CD96: variants seen among roughly 807,000 people sequenced by gnomAD.
CD96 encodes T-cell surface protein tactile.
CD96 carries 70 observed loss-of-function variants against 71.3 expected under a neutral mutation model. That is an observed-to-expected ratio of 0.98 (90% CI 0.81 to 1.20). CD96 has a LOEUF of 1.20. Among genes scored for constraint, CD96 ranks in the 50% most tolerant of loss-of-function variants. The pLI is 0.00. For synonymous variants in CD96, 248 were observed against 233.0 expected (o/e 1.06, Z -0.59); for missense variants, 742 against 677.5 (o/e 1.10, Z -1.06).
chr3:111,603,414 C>T (rs1937543122), intron 7 of CD96, among the ~76,000 whole-genome samples: 1 of 151,534 alleles, frequency 6.6e-6, no homozygotes, highest in Non-Finnish European at 1.5e-5. Flanking sequence ...CACTACACTC[C>T]AGCCTGGGCA....
intron 2 of CD96, among the ~76,000 whole-genome samples, chr3:111,550,909 T>A (rs1029668193): frequency 1.6e-4 from 25 of 152,154 alleles, no homozygotes; most frequent in Non-Finnish European, 5.9e-5. Context: ...GCTGCTTGAG[T>A]CTGGGCATTA....
At chr3:111,553,158 G>GATA (rs138256843) in intron 2 of CD96, among the ~76,000 whole-genome samples, 118,147 of 149,924 alleles carry the variant, frequency 0.79, 46,714 homozygotes, top group East Asian at 0.96. Context: ...CCATCAGCCT[G>GATA]ATGTTATATT....
downstream of CD96, among the ~76,000 whole-genome samples, chr3:111,656,389 C>T (rs1464334065): frequency 6.6e-6 from 1 of 152,164 alleles, no homozygotes; most frequent in Non-Finnish European, 1.5e-5. Flanking sequence ...AAAACATGCA[C>T]ACTCATATAC....
At chr3:111,555,614 G>T (rs746085921) in intron 2 of CD96, among the ~76,000 whole-genome samples, 8 of 152,256 alleles carry the variant, frequency 5.3e-5, no homozygotes, top group South Asian at 4.1e-4. Context: ...TGTTTGTTTG[G>T]TTGGTTGGTT....
At chr3:111,655,102 C>T (rs1940197850), downstream of CD96, among the ~76,000 whole-genome samples, 1 of 152,170 alleles carries the variant, frequency 6.6e-6, no homozygotes, top group East Asian at 1.9e-4. Flanking sequence ...AGCCTAATTC[C>T]ACTCTTACAG....
At chr3:111,598,037 A>G in intron 5 of CD96, 83 bp from the exon 6 acceptor site, 2 of 741,598 alleles carry the variant, frequency 2.7e-6, no homozygotes, top group South Asian at 2.9e-5. Context: ...CTTTTTTGCC[A>G]ACTTATATGA....
intron 10 of CD96, among the ~76,000 whole-genome samples, chr3:111,632,185 C>A (rs763242880): frequency 7.2e-5 from 11 of 152,110 alleles, no homozygotes; most frequent in South Asian, 2.1e-4. Context: ...AAACAGACAA[C>A]CTACAGAATG....
intron 5 of CD96, among the ~76,000 whole-genome samples, chr3:111,597,747 C>T (rs1937323870): frequency 6.6e-6 from 1 of 152,330 alleles, no homozygotes; most frequent in East Asian, 1.9e-4. Context: ...GACTATTCTT[C>T]TCTGGCCTCT....
chr3:111,641,814 G>A (rs1939605333), intron 12 of CD96, among the ~76,000 whole-genome samples: 1 of 152,142 alleles, frequency 6.6e-6, no homozygotes, highest in Admixed American at 6.5e-5. Flanking sequence ...AGACCACAGT[G>A]AAATAAAACT....
At chr3:111,589,230 A>G (rs1936860705) in intron 5 of CD96, among the ~76,000 whole-genome samples, 1 of 152,096 alleles carries the variant, frequency 6.6e-6, no homozygotes, top group Non-Finnish European at 1.5e-5. Context: ...GATTACAGGC[A>G]TGAGCCACCA....
chr3:111,663,689 C>T (rs1940409185), intron 14 of CD96, among the ~76,000 whole-genome samples: 1 of 151,456 alleles, frequency 6.6e-6, no homozygotes, highest in Admixed American at 6.6e-5. Context: ...GCCAGAATGG[C>T]CATTATTAAA....
chr3:111,638,418 G>T (rs2107758390), intron 12 of CD96, among the ~76,000 whole-genome samples: 1 of 152,178 alleles, frequency 6.6e-6, no homozygotes, highest in South Asian at 2.1e-4. Context: ...GATTTTAATT[G>T]GAGGATAGGA....
At chr3:111,593,645 C>T in intron 5 of CD96, 1 of 1,605,460 alleles carries the variant, frequency 6.2e-7, no homozygotes, top group Non-Finnish European at 8.5e-7. Flanking sequence ...CAGGATGGCC[C>T]TTTCCACCTC....
At position 111,637,794 on chromosome 3, in the gene CD96, T is replaced by G. The variant is rs1443232443; in HGVS notation, c.1388-285T>G. On this transcript the variant is annotated intron_variant, in intron 11 of 13. Coordinates refer to ENST00000352690, the MANE Select transcript of CD96 (RefSeq NM_005816.5). ...TTTTGTTGTTTGGAAGTATGGAGCTTCTTTTTTTTTTTTTTCAACCAATAG... is the reference window on the plus strand; with the variant it reads ...TTTTGTTGTTTGGAAGTATGGAGCTGCTTTTTTTTTTTTTTCAACCAATAG... Among the ~76,000 whole-genome samples the G allele has an allele frequency of 3.2e-4, 10 of 30,918 alleles. No homozygotes were observed. The South Asian group carries it at 0.016, about 50-fold the overall frequency. The allele number at this position is 30,918 out of a possible 152,430, so 20.3% of individuals were successfully genotyped here. A position where few individuals can be genotyped will look rare whatever the true frequency, so the allele number is the denominator to read the frequency against.
rs577514055 is a variant in CD96, at chr3:111,570,034, C to T, written c.543+2387C>T. Among the ~76,000 whole-genome samples, 62 of 116,784 alleles carry T rather than the reference C, an allele frequency of 5.3e-4. No homozygotes were observed. In the South Asian group the frequency reaches 9.7e-3, roughly 18 times the overall value. The allele number at this position is 116,784 out of a possible 152,430, so 76.6% of individuals were successfully genotyped here. ...TGACCCTAGGCTGGGGCTGCTTGCT[C>T]GGTAGGCAGGAATTGGGGTGGGGGT... On this transcript the variant is annotated intron_variant, in intron 3 of 13. Coordinates refer to ENST00000352690, the MANE Select transcript of CD96 (RefSeq NM_005816.5).
chr3:111,562,720 G>A (rs549006656), intron 2 of CD96, among the ~76,000 whole-genome samples: 2 of 152,370 alleles, frequency 1.3e-5, no homozygotes, highest in Admixed American at 1.3e-4. Flanking sequence ...CAAAGTTGCA[G>A]CCAGTTGTCC....
In CD96 at chr3:111,651,175, T is replaced by G. The variant is rs1307589554; in HGVS notation, c.*1369T>G. The stretch of plus-strand genomic sequence containing the variant: ...AGCCAAAGTTGAGAACCATCGAGCC[T>G]GTGGAAGTTCTTTCTCATGGCTCAG... On this transcript the variant is annotated 3_prime_UTR_variant, in exon 14 of 14. Transcript: ENST00000352690. The G allele has an allele frequency of 6.6e-6, 1 of 152,228 alleles. No individual in the cohort carries two copies. The highest frequency in any genetic ancestry group is 1.5e-5 in the Non-Finnish European group (1 of 68,050). The allele number at this position is 152,228 out of a possible 1,614,324, so 9.4% of individuals were successfully genotyped here.
At chr3:111,618,283 C>T (rs1317445484) in intron 8 of CD96, among the ~76,000 whole-genome samples, 1 of 152,212 alleles carries the variant, frequency 6.6e-6, no homozygotes. Context: ...CCACTGGCCA[C>T]AGAATTTCTG....
chr3:111,561,417 T>C (rs1287096971), intron 2 of CD96, among the ~76,000 whole-genome samples: 2 of 141,722 alleles, frequency 1.4e-5, no homozygotes, highest in Non-Finnish European at 3.2e-5. Flanking sequence ...TTGTTAGTTT[T>C]CCTTCTAACA....
Sources: gnomAD v4.1 joint callset for allele counts (sites outside exome capture counted in the v4.1 genomes callset) on GRCh38, gnomAD v4.1.1 for gene constraint, MANE v1.5 for transcripts, NCBI Gene and HGNC (gene_info 2026-07-23, HGNC 2026-07-21) for gene names.